Variants in MED13 observed in about 807,000 individuals in gnomAD.
The protein encoded by MED13 is mediator of RNA polymerase II transcription subunit 13.
MED13 carries 23 observed loss-of-function variants against 225.2 expected under a neutral mutation model. The observed-to-expected ratio is 0.10, with a 90% CI of 0.07 to 0.14. The LOEUF is 0.14. Ranked by LOEUF, MED13 falls within the 10% of genes least tolerant of loss-of-function variation. MED13 has a pLI of 1.00. For missense variants in MED13, 2,197 were observed against 2,594.5 expected (o/e 0.85, Z 3.33); for synonymous variants, 942 against 889.2 (o/e 1.06, Z -1.06).
intron 16 of MED13, among the ~76,000 whole-genome samples, chr17:61,974,657 G>T (rs2080138362): frequency 6.6e-6 from 1 of 151,930 alleles, no homozygotes; most frequent in Admixed American, 6.6e-5. Flanking sequence ...ATTGATTTTT[G>T]ACAAAGGTAC....
intron 2 of MED13, among the ~76,000 whole-genome samples, chr17:62,062,394 ATTGT>A (rs1485185622): frequency 6.6e-6 from 1 of 152,226 alleles, no homozygotes; most frequent in South Asian, 2.1e-4. Context: ...TCACAATAAA[ATTGT>A]TTGTGTAACC....
At chr17:61,998,596 CTTTTTTTTTT>C (rs58261678) in intron 9 of MED13, among the ~76,000 whole-genome samples, 3 of 115,542 alleles carry the variant, frequency 2.6e-5, no homozygotes, top group African/African-American at 7.0e-5. Flanking sequence ...TTCCCACCGC[CTTTTTTTTTT>C]TTTTTTTTTT....
chr17:61,989,014 CT>C (rs544084944), intron 11 of MED13, among the ~76,000 whole-genome samples: 22,765 of 141,418 alleles, frequency 0.16, 1,850 homozygotes, highest in Admixed American at 0.28. Flanking sequence ...ATGAATCCAG[CT>C]TTTTTTTTTT....
chr17:61,985,113 T>C, intron 12 of MED13, 23 bp from the exon 13 acceptor site: 1 of 1,591,580 alleles, frequency 6.3e-7, no homozygotes, highest in Non-Finnish European at 8.6e-7. Flanking sequence ...AGCACATATT[T>C]ATCTAAAATT....
At chr17:61,954,233 A>C (rs569389820) in intron 26 of MED13, among the ~76,000 whole-genome samples, 1 of 152,348 alleles carries the variant, frequency 6.6e-6, no homozygotes, top group East Asian at 1.9e-4. Flanking sequence ...CATACTTGTG[A>C]CTTTAGAGAT....
chr17:61,950,767 C>A, intron 28 of MED13, 58 bp downstream of exon 28: 2 of 1,528,506 alleles, frequency 1.3e-6, no homozygotes, highest in Non-Finnish European at 1.8e-6. Context: ...TTCTATATTT[C>A]TCAGGACTTA....
rs1445590751 is a variant in MED13, at chr17:61,945,094, C to A, written c.*1374G>T. On this transcript the variant is annotated 3_prime_UTR_variant, in exon 30 of 30. Transcript: ENST00000397786. The stretch of plus-strand genomic sequence containing the variant: ...AGACTCTGGTGTTTGGGACTGACAT[C>A]TCCAAACCAAGAAAATTAAATAAAT... 1 of 152,494 alleles carries A rather than the reference C, an allele frequency of 6.6e-6. No homozygotes were observed. Among genetic ancestry groups the A allele is most frequent in the Non-Finnish European group, 1.5e-5 (1 of 68,040 alleles). The allele number at this position is 152,494 out of a possible 1,614,324, so 9.4% of individuals were successfully genotyped here. A position where few individuals can be genotyped will look rare whatever the true frequency, so the allele number is the denominator to read the frequency against.
intron 17 of MED13, 49 bp from the exon 18 acceptor site, chr17:61,968,307 TCTC>T (rs2080076757): frequency 8.0e-7 from 1 of 1,256,318 alleles, no homozygotes; most frequent in South Asian, 1.6e-5. Flanking sequence ...ACAAGACATG[TCTC>T]CTTTTTATTT....
intron 17 of MED13, 125 bp from the exon 18 acceptor site, chr17:61,968,383 T>C (rs2080077954): frequency 1.5e-6 from 1 of 664,974 alleles, no homozygotes; most frequent in Non-Finnish European, 2.2e-6. Flanking sequence ...TGGAGTGCAG[T>C]GGCGCCATCT....
intron 8 of MED13, among the ~76,000 whole-genome samples, chr17:62,028,353 G>A (rs2080722164): frequency 6.6e-6 from 1 of 152,090 alleles, no homozygotes; most frequent in South Asian, 2.1e-4. Flanking sequence ...GAGAACTCAT[G>A]GACACAAAGA....
At chr17:61,960,536 G>A (rs891464158) in intron 23 of MED13, among the ~76,000 whole-genome samples, 6 of 152,108 alleles carry the variant, frequency 3.9e-5, no homozygotes, top group African/African-American at 1.4e-4. Context: ...TGGTACATGA[G>A]AAAAGTTTAA....
In MED13 at chr17:61,999,063, T is replaced by C. The variant is rs577785876; in HGVS notation, c.1968-3698A>G. Among the ~76,000 whole-genome samples, 7 of 152,062 alleles carry C rather than the reference T, an allele frequency of 4.6e-5. No individual in the cohort carries two copies. The South Asian group carries it at 8.3e-4, about 18-fold the overall frequency. On this transcript the variant is annotated intron_variant, in intron 9 of 29. Transcript: ENST00000397786. ...ATATAGAAGACTTACTTAAAAGATT[T>C]AGAGTACAGAAAAATCAAAACAAGT...
Position 61,973,859 on chromosome 17 carries a change from T to A in MED13, c.3806-971A>T, listed in dbSNP as rs145917952. ...TTAGCCAGGCATGGTGGCACATGCC[T>A]GTAATCCCAGCTACTCGGGAGGCTA... On this transcript the variant is annotated intron_variant, in intron 16 of 29. Coordinates refer to ENST00000397786, the MANE Select transcript of MED13 (RefSeq NM_005121.3). Among the ~76,000 whole-genome samples the A allele has an allele frequency of 2.7e-3, 417 of 152,186 alleles. 3 individuals carry two copies. Among genetic ancestry groups the A allele is most frequent in the African/African-American group, 9.0e-3 (373 of 41,534 alleles).
At chr17:61,969,764 G>A (rs2080091072) in intron 17 of MED13, among the ~76,000 whole-genome samples, 1 of 151,916 alleles carries the variant, frequency 6.6e-6, no homozygotes, top group Admixed American at 6.6e-5. Context: ...ACCATACCGG[G>A]ATAATTTTTG....
intron 12 of MED13, among the ~76,000 whole-genome samples, chr17:61,986,256 CACACACATAT>C (rs931373551): frequency 2.1e-4 from 32 of 152,174 alleles, no homozygotes; most frequent in African/African-American, 5.5e-4. Flanking sequence ...TATATGTACA[CACACACATAT>C]ACACACATAT....
intron 2 of MED13, among the ~76,000 whole-genome samples, chr17:62,062,596 CACA>C (rs2081048054): frequency 1.7e-5 from 1 of 58,784 alleles, no homozygotes. Flanking sequence ...CACACACACA[CACA>C]CCACACACAC....
At chr17:62,020,812 T>A (rs2080635619) in intron 8 of MED13, among the ~76,000 whole-genome samples, 1 of 151,884 alleles carries the variant, frequency 6.6e-6, no homozygotes, top group Non-Finnish European at 1.5e-5. Flanking sequence ...GGTCTCTGGT[T>A]TTCCTAGGCA....
intron 16 of MED13, among the ~76,000 whole-genome samples, chr17:61,973,580 C>G (rs1288296294): frequency 6.6e-6 from 1 of 152,116 alleles, no homozygotes. Flanking sequence ...CAGAATGGTC[C>G]AGTTGTACCA....
intron 10 of MED13, among the ~76,000 whole-genome samples, 184 bp from the exon 11 acceptor site, chr17:61,992,805 T>C (rs375441179): frequency 6.6e-6 from 1 of 152,218 alleles, no homozygotes; most frequent in East Asian, 1.9e-4. Flanking sequence ...ACTCTCGCTC[T>C]ATCACCAGGC....
Sources: gnomAD v4.1 joint callset for allele counts (sites outside exome capture counted in the v4.1 genomes callset) on GRCh38, gnomAD v4.1.1 for gene constraint, MANE v1.5 for transcripts, NCBI Gene and HGNC (gene_info 2026-07-23, HGNC 2026-07-21) for gene names.